The following BMF variants were observed in gnomAD, a reference collection of about 807,000 sequenced individuals.
BMF encodes bcl-2-modifying factor.
In BMF, 10 loss-of-function variants were observed where a neutral mutation model predicts 22.0. The observed-to-expected ratio is 0.45, with a 90% CI of 0.28 to 0.77. The LOEUF (loss-of-function observed/expected upper bound fraction) is 0.77, where lower values mean the gene tolerates loss of function less well. BMF is among the 30% of genes least tolerant of loss of function. BMF has a pLI of 0.13. For synonymous variants in BMF, 87 were observed against 88.1 expected (o/e 0.99, Z 0.07); for missense variants, 206 against 226.8 (o/e 0.91, Z 0.59).
intron 4 of BMF, among the ~76,000 whole-genome samples, chr15:40,092,579 G>A (rs975541947): frequency 4.6e-5 from 7 of 152,160 alleles, no homozygotes; most frequent in Non-Finnish European, 2.9e-5. Flanking sequence ...CTCTTGGAGC[G>A]CTCTCCTACT....
chr15:40,104,105 C>T, intron 4 of BMF, 75 bp downstream of exon 4: 1 of 1,573,250 alleles, frequency 6.4e-7, no homozygotes, highest in Non-Finnish European at 8.7e-7. Flanking sequence ...GAGTTGCTGA[C>T]AAGAGGAGAG....
In BMF at chr15:40,090,832, A is replaced by C. The variant is rs890277647; in HGVS notation, c.*955T>G. 6.6e-6 allele frequency: 1 copy of C among 152,282 alleles called. No individual in the cohort carries two copies. The highest frequency in any genetic ancestry group is 1.5e-5 in the Non-Finnish European group (1 of 68,098). The allele number at this position is 152,282 out of a possible 1,614,324, so 9.4% of individuals were successfully genotyped here. ...GGCTGACTCTCATGGTAGGGTGGCC[A>C]CCATATTTTCCGGCCCCACTGCAAA... On this transcript the variant is annotated 3_prime_UTR_variant, in exon 5 of 5. Transcript: ENST00000354670.
At chr15:40,092,453 T>TCACACA (rs34626523) in intron 4 of BMF, among the ~76,000 whole-genome samples, 71 of 148,714 alleles carry the variant, frequency 4.8e-4, no homozygotes, top group African/African-American at 1.5e-3. Flanking sequence ...ACACACAGAC[T>TCACACA]CACACACACA....
chr15:40,092,769 T>C (rs936415972), intron 4 of BMF, among the ~76,000 whole-genome samples: 5 of 151,240 alleles, frequency 3.3e-5, no homozygotes, highest in African/African-American at 1.2e-4. Context: ...ACAGGTACCA[T>C]TTCCCAGGAG....
chr15:40,090,610 TG>T lies in BMF; in HGVS notation c.*1176del, dbSNP rs1893145075. 6.6e-6 allele frequency: 1 copy of T among 152,536 alleles called. No individual in the cohort carries two copies. The highest frequency in any genetic ancestry group is 1.5e-5 in the Non-Finnish European group (1 of 68,054). The allele number at this position is 152,536 out of a possible 1,614,324, so 9.4% of individuals were successfully genotyped here. A position where few individuals can be genotyped will look rare whatever the true frequency, so the allele number is the denominator to read the frequency against. On this transcript the variant is annotated 3_prime_UTR_variant, in exon 5 of 5. Transcript: ENST00000354670. ...ATGCCCTTCTGGCCTAGCTGGAAGCTGGAGGAAGATAGGAAATGTGTACCCA... is the reference window on the plus strand; with the variant it reads ...ATGCCCTTCTGGCCTAGCTGGAAGCTGAGGAAGATAGGAAATGTGTACCCA...
intron 4 of BMF, 24 bp from the exon 5 acceptor site, chr15:40,091,912 A>G (rs1004626164): frequency 6.9e-6 from 10 of 1,448,758 alleles, no homozygotes; most frequent in Admixed American, 1.9e-5. Context: ...AAAAAAAAAG[A>G]CCAACATAAC....
intron 3 of BMF, 54 bp downstream of exon 3, chr15:40,105,741 C>G: frequency 6.6e-7 from 1 of 1,517,892 alleles, no homozygotes; most frequent in South Asian, 1.3e-5. Context: ...GAGGGAAAGT[C>G]CCCTCTTTTC....
intron 4 of BMF, among the ~76,000 whole-genome samples, chr15:40,093,544 C>G (rs2036292137): frequency 6.6e-6 from 1 of 152,224 alleles, no homozygotes; most frequent in African/African-American, 2.4e-5. Flanking sequence ...AAACCCGAAG[C>G]CTCCGGCCTG....
At chr15:40,098,617 C>G (rs945275690) in intron 4 of BMF, among the ~76,000 whole-genome samples, 13 of 152,200 alleles carry the variant, frequency 8.5e-5, no homozygotes, top group African/African-American at 3.1e-4. Flanking sequence ...ATGGAACCCT[C>G]CCCTTCACAC....
In BMF at chr15:40,091,630, G is replaced by A. The variant is rs2036232348; in HGVS notation, c.*157C>T. On this transcript the variant is annotated 3_prime_UTR_variant, in exon 5 of 5. Transcript: ENST00000354670. ...GACAGAGAAAGAAGGTCCCGCTTGA[G>A]TATGTTGTATGTACACTCAGAGAGA... 5.0e-6 allele frequency: 3 copies of A among 602,342 alleles called. No homozygotes were observed. Among genetic ancestry groups the A allele is most frequent in the Non-Finnish European group, 8.8e-6 (3 of 339,266 alleles). 37.3% of individuals were successfully genotyped at this position (602,342 alleles called of 1,614,324 possible).
chr15:40,092,848 G>T (rs2140996742), intron 4 of BMF, among the ~76,000 whole-genome samples: 1 of 152,192 alleles, frequency 6.6e-6, no homozygotes, highest in African/African-American at 2.4e-5. Context: ...GTCTGCCAGG[G>T]CAGGAGGACT....
At chr15:40,102,566 G>C (rs2036501539) in intron 4 of BMF, among the ~76,000 whole-genome samples, 1 of 152,160 alleles carries the variant, frequency 6.6e-6, no homozygotes, top group Non-Finnish European at 1.5e-5. Context: ...AGCCTATAGA[G>C]GCTCACCAGT....
intron 3 of BMF, among the ~76,000 whole-genome samples, chr15:40,105,092 G>A (rs1355861904): frequency 3.3e-5 from 5 of 152,192 alleles, no homozygotes; most frequent in African/African-American, 1.2e-4. Context: ...CCCTCTGGGA[G>A]TAACTGCAGT....
chr15:40,097,942 G>T (rs1351270356), intron 4 of BMF, among the ~76,000 whole-genome samples: 1 of 152,206 alleles, frequency 6.6e-6, no homozygotes, highest in Non-Finnish European at 1.5e-5. Flanking sequence ...ATTCTAGGCT[G>T]CCAGGGTAAG....
chr15:40,105,672 G>A, intron 3 of BMF, 123 bp downstream of exon 3: 1 of 1,227,856 alleles, frequency 8.1e-7, no homozygotes, highest in Non-Finnish European at 1.1e-6. Context: ...TGGAAGTCAA[G>A]GAATCAACAG....
In BMF at chr15:40,104,166, A is replaced by G. The variant is rs778676383; in HGVS notation, c.453+14T>C. On this transcript the variant is annotated intron_variant, in intron 4 of 4. Transcript: ENST00000354670. ...AGCAGACTCAACCCTCCTCCCCTAA[A>G]CCCCCGTGCCTACTTGCTGCACATG... 54 of 1,613,428 alleles carry G rather than the reference A, an allele frequency of 3.3e-5. 1 individual carries two copies. In the South Asian group the frequency reaches 5.7e-4, roughly 17 times the overall value.
At position 40,104,108 on chromosome 15, in the gene BMF, G is replaced by A. The variant is rs1009770517; in HGVS notation, c.453+72C>T. The A allele has an allele frequency of 3.2e-6, 5 of 1,576,374 alleles. No individual in the cohort carries two copies. In the African/African-American group the frequency reaches 6.7e-5, roughly 21 times the overall value. On this transcript the variant is annotated intron_variant, in intron 4 of 4. Coordinates refer to ENST00000354670, the MANE Select transcript of BMF (RefSeq NM_001003940.2). Reference sequence around the variant, plus strand: ...CTGGCAGAGACAGAGTTGCTGACAAGAGGAGAGAGGCAGGCCCTGGCCCCC... The same window carrying A: ...CTGGCAGAGACAGAGTTGCTGACAAAAGGAGAGAGGCAGGCCCTGGCCCCC...
At chr15:40,095,971 G>A (rs2036351324) in intron 4 of BMF, among the ~76,000 whole-genome samples, 1 of 152,084 alleles carries the variant, frequency 6.6e-6, no homozygotes, top group East Asian at 1.9e-4. Flanking sequence ...TGGGGAACAT[G>A]GAAGGCATAC....
intron 4 of BMF, among the ~76,000 whole-genome samples, chr15:40,099,558 C>T (rs565193778): frequency 5.9e-5 from 9 of 152,170 alleles, no homozygotes; most frequent in African/African-American, 1.7e-4. Flanking sequence ...ATGGGCGGAT[C>T]GCCTGAGGTC....
Sources: gnomAD v4.1 joint callset for allele counts (sites outside exome capture counted in the v4.1 genomes callset) on GRCh38, gnomAD v4.1.1 for gene constraint, MANE v1.5 for transcripts, NCBI Gene and HGNC (gene_info 2026-07-23, HGNC 2026-07-21) for gene names.